Variants in TTC6 observed in about 807,000 individuals in gnomAD.
TTC6 encodes the protein tetratricopeptide repeat protein 6.
A neutral mutation model predicts 210.4 loss-of-function variants in TTC6; 172 were observed. The ratio of observed to expected loss-of-function variants is 0.82; its 90% CI spans 0.72 to 0.93. The LOEUF (loss-of-function observed/expected upper bound fraction) is 0.93, where lower values mean the gene tolerates loss of function less well. TTC6 is among the 40% of genes least tolerant of loss of function. TTC6 has a pLI of 0.00. For missense variants in TTC6, 2,414 were observed against 2,318.1 expected (o/e 1.04, Z -0.85); for synonymous variants, 804 against 819.6 (o/e 0.98, Z 0.32).
intron 29 of TTC6, among the ~76,000 whole-genome samples, chr14:37,840,768 G>T (rs1181732684): frequency 6.6e-6 from 1 of 151,904 alleles, no homozygotes; most frequent in African/African-American, 2.4e-5. Context: ...TTTCTAATTT[G>T]TATTTTATCC....
chr14:37,788,259 A>T (rs982753438), intron 15 of TTC6, among the ~76,000 whole-genome samples: 2 of 152,170 alleles, frequency 1.3e-5, no homozygotes, highest in Non-Finnish European at 2.9e-5. Flanking sequence ...GTCAGTGCTC[A>T]GTAAACAGCC....
At chr14:37,840,042 T>C (rs985403809) in intron 29 of TTC6, among the ~76,000 whole-genome samples, 2 of 152,186 alleles carry the variant, frequency 1.3e-5, no homozygotes, top group Non-Finnish European at 1.5e-5. Flanking sequence ...GCCTGGTTAC[T>C]GTAGCCTTGT....
At chr14:37,615,586 C>T (rs1038143679) in intron 2 of TTC6, among the ~76,000 whole-genome samples, 1 of 151,932 alleles carries the variant, frequency 6.6e-6, no homozygotes, top group African/African-American at 2.4e-5. Context: ...AATATATTTT[C>T]AGGTATAAAA....
At chr14:37,620,479 C>T (rs992331541), upstream of TTC6, among the ~76,000 whole-genome samples, 1 of 152,232 alleles carries the variant, frequency 6.6e-6, no homozygotes, top group Non-Finnish European at 1.5e-5. Context: ...CTGTCCTCTT[C>T]GTTTTTCTAA....
chr14:37,760,116 T>A (rs2095979658), intron 14 of TTC6, among the ~76,000 whole-genome samples: 1 of 152,240 alleles, frequency 6.6e-6, no homozygotes, highest in Admixed American at 6.5e-5. Context: ...TTGCACTGGT[T>A]CTTCCTCATG....
At chr14:37,714,608 T>C in intron 5 of TTC6, 47 bp from the exon 8 acceptor site, 11 of 1,489,028 alleles carry the variant, frequency 7.4e-6, no homozygotes, top group Non-Finnish European at 9.9e-6. Flanking sequence ...ACCTTATACT[T>C]TGTCAATTAC....
intron 1 of TTC6, among the ~76,000 whole-genome samples, chr14:37,653,338 C>T (rs1024587068): frequency 1.3e-5 from 2 of 152,216 alleles, no homozygotes; most frequent in Admixed American, 1.3e-4. Context: ...TCCTTCATTT[C>T]TGGGAAATTT....
chr14:37,809,121 T>C (rs1033594936), intron 24 of TTC6, among the ~76,000 whole-genome samples: 24 of 152,194 alleles, frequency 1.6e-4, no homozygotes, highest in East Asian at 7.7e-4. Context: ...AATTTTCTTA[T>C]ATAATTTCTG....
At chr14:37,822,681 C>A (rs776837613) in intron 26 of TTC6, among the ~76,000 whole-genome samples, 21 of 152,254 alleles carry the variant, frequency 1.4e-4, no homozygotes, top group Non-Finnish European at 2.2e-4. Flanking sequence ...GATACCAGCT[C>A]ACTGTTTCTT....
chr14:37,806,371 C>G (rs1186565730), exon 22 of TTC6: 11 of 1,535,114 alleles, frequency 7.2e-6, no homozygotes, highest in Non-Finnish European at 7.0e-6. Context: ...GCTTTTGATT[C>G]TTTTACAAAA....
intron 1 of TTC6, among the ~76,000 whole-genome samples, chr14:37,645,221 T>G (rs2095699367): frequency 1.3e-5 from 2 of 152,196 alleles, no homozygotes; most frequent in African/African-American, 4.8e-5. Flanking sequence ...AATGAAATAT[T>G]CAGTGAAAGT....
chr14:37,703,385 A>G (rs1471928367), intron 5 of TTC6, among the ~76,000 whole-genome samples: 2 of 152,140 alleles, frequency 1.3e-5, no homozygotes, highest in South Asian at 4.1e-4. Flanking sequence ...TAAGTACTGA[A>G]TATTTAATTC....
At chr14:37,608,286 T>TGTG (rs1555377850) in intron 2 of TTC6, among the ~76,000 whole-genome samples, 6 of 151,094 alleles carry the variant, frequency 4.0e-5, no homozygotes, top group African/African-American at 1.2e-4. Context: ...CAAGTTTTTT[T>TGTG]TGTGTGTGTG....
intron 1 of TTC6, among the ~76,000 whole-genome samples, chr14:37,633,063 T>G (rs1180619049): frequency 6.6e-6 from 1 of 152,180 alleles, no homozygotes; most frequent in African/African-American, 2.4e-5. Flanking sequence ...CTGGGCTCCG[T>G]GGGGGTGAGA....
At chr14:37,649,872 A>G (rs1400799825) in intron 1 of TTC6, among the ~76,000 whole-genome samples, 1 of 152,178 alleles carries the variant, frequency 6.6e-6, no homozygotes, top group East Asian at 1.9e-4. Context: ...CTTTGATGTT[A>G]TATATTGTCA....
intron 2 of TTC6, among the ~76,000 whole-genome samples, chr14:37,612,611 TTCTAA>T (rs1566838655): frequency 1.3e-5 from 2 of 152,240 alleles, no homozygotes; most frequent in Admixed American, 6.5e-5. Context: ...ATATTGAGTC[TTCTAA>T]TCTATGGACA....
intron 2 of TTC6, among the ~76,000 whole-genome samples, chr14:37,607,857 C>T (rs1298586526): frequency 6.6e-6 from 1 of 152,106 alleles, no homozygotes; most frequent in Admixed American, 6.6e-5. Context: ...ATATTTAAGA[C>T]ATTTGAGACA....
chr14:37,778,545 C>G (rs1164185659), intron 14 of TTC6, among the ~76,000 whole-genome samples: 1 of 152,138 alleles, frequency 6.6e-6, no homozygotes, highest in East Asian at 1.9e-4. Flanking sequence ...ATGGTGAAAT[C>G]TGCCCACATG....
intron 1 of TTC6, 77 bp from the exon 4 acceptor site, chr14:37,680,074 A>G: frequency 2.6e-6 from 2 of 773,014 alleles, no homozygotes; most frequent in African/African-American, 1.8e-5. Flanking sequence ...CAAATTGACT[A>G]GCATTTTAGT....
Sources: gnomAD v4.1 joint callset for allele counts (sites outside exome capture counted in the v4.1 genomes callset) on GRCh38, gnomAD v4.1.1 for gene constraint, MANE v1.5 for transcripts, NCBI Gene and HGNC (gene_info 2026-07-23, HGNC 2026-07-21) for gene names.